POLR2F: variants seen among roughly 807,000 people sequenced by gnomAD.
POLR2F encodes the protein RNA polymerase II, I and III subunit F, also known as DNA-directed RNA polymerases I, II, and III subunit RPABC2.
A neutral mutation model predicts 22.7 loss-of-function variants in POLR2F; 12 were observed. That is an observed-to-expected ratio of 0.53 (90% confidence interval 0.34 to 0.86). The LOEUF is 0.86. Among genes scored for constraint, POLR2F ranks in the 40% least tolerant of loss-of-function variants. POLR2F has a pLI of 0.02. For synonymous variants in POLR2F, 57 were observed against 66.0 expected (o/e 0.86, Z 0.66); for missense variants, 126 against 171.5 (o/e 0.73, Z 1.48).
chr22:37,984,550 G>A (rs1252492523), upstream of POLR2F: 3 of 152,410 alleles, frequency 2.0e-5, no homozygotes, highest in Non-Finnish European at 4.4e-5. This position sits in a 1 kb window ranked among gnomAD's most constrained non-coding sequence, Gnocchi z 4.4. Context: ...GACTGACTGA[G>A]CGACTGAGCC....
At chr22:38,025,471 T>TA (rs2084999190) in intron 1 of POLR2F, 3 of 1,390,268 alleles carry the variant, frequency 2.2e-6, no homozygotes, top group Non-Finnish European at 2.8e-6. Context: ...TACTCAAAGA[T>TA]ACGATCACAA....
At position 38,018,053 on chromosome 22, in the gene POLR2F, T is replaced by C. The variant is rs2084929507; in HGVS notation, c.121-7816T>C. Among the ~76,000 whole-genome samples, 6 of 152,316 alleles carry C rather than the reference T, an allele frequency of 3.9e-5. No homozygotes were observed. In the South Asian group the frequency reaches 1.2e-3, roughly 32 times the overall value. Reference sequence around the variant, plus strand: ...AGGAATTTCTGTCCTGGGAAACCAGTGGGGACCATCCCTTATATGACGGAG... The same window carrying C: ...AGGAATTTCTGTCCTGGGAAACCAGCGGGGACCATCCCTTATATGACGGAG... On this transcript the variant is annotated intron_variant, in intron 1 of 2. Transcript: ENST00000333418.
At chr22:37,966,513 C>G (rs1931857542) in intron 3 of POLR2F, among the ~76,000 whole-genome samples, 1 of 152,096 alleles carries the variant, frequency 6.6e-6, no homozygotes, top group African/African-American at 2.4e-5. Flanking sequence ...TGGCTCATGC[C>G]TTTCATCCCA....
At chr22:37,972,847 G>GACAAAGAAAGAAA (rs1932100240), downstream of POLR2F, 1 of 153,692 alleles carries the variant, frequency 6.5e-6, no homozygotes, top group Non-Finnish European at 1.4e-5. Context: ...CAAAGAATGA[G>GACAAAGAAAGAAA]GTTATTGGCA....
At chr22:37,992,425 C>G (rs1932746622) in intron 1 of POLR2F, among the ~76,000 whole-genome samples, 1 of 151,322 alleles carries the variant, frequency 6.6e-6, no homozygotes, top group African/African-American at 2.4e-5. Flanking sequence ...CTCACTCTTT[C>G]ACTCTGTTGC....
At chr22:37,956,475 G>A (rs1297024096) in intron 1 of POLR2F, among the ~76,000 whole-genome samples, 3 of 150,606 alleles carry the variant, frequency 2.0e-5, no homozygotes, top group South Asian at 2.1e-4. Flanking sequence ...GGAGTACAGT[G>A]GTGCAATCTT....
rs2085067873 is a variant in POLR2F, at chr22:38,031,726, T to A, written c.453-9342T>A. On this transcript the variant is annotated intron_variant, in intron 5 of 5. Transcript: ENST00000407936. The surrounding 1 kb of genome is among the most constrained non-coding windows in gnomAD (Gnocchi z 4.1). ...CCAGCCTGAAAGTGCTGTGAGTCCA[T>A]GTCTCAAACCCGCGTCACCATGCTG... Among the ~76,000 whole-genome samples, 1 of 152,174 alleles carries A rather than the reference T, an allele frequency of 6.6e-6. No homozygotes were observed. The highest frequency in any genetic ancestry group is 6.6e-5 in the Admixed American group (1 of 15,266).
chr22:38,014,517 A>ATT (rs777065352), intron 1 of POLR2F, among the ~76,000 whole-genome samples: 4 of 138,850 alleles, frequency 2.9e-5, no homozygotes, highest in Admixed American at 7.3e-5. Context: ...CGCCCGGCTA[A>ATT]TTTTTTTTTT....
upstream of POLR2F, among the ~76,000 whole-genome samples, chr22:37,982,638 G>C (rs956530950): frequency 6.6e-6 from 1 of 151,986 alleles, no homozygotes; most frequent in Non-Finnish European, 1.5e-5. Flanking sequence ...CGTTGGGGTG[G>C]GGCCCTGGCA....
chr22:37,983,743 G>A (rs530570020), upstream of POLR2F: 16 of 1,484,230 alleles, frequency 1.1e-5, no homozygotes, highest in South Asian at 1.6e-4. The surrounding 1 kb of genome is among the most constrained non-coding windows in gnomAD (Gnocchi z 9.5). Context: ...CCGAGCCCAC[G>A]GGGCTCAGCT....
intron 1 of POLR2F, among the ~76,000 whole-genome samples, chr22:37,991,154 C>G (rs1201717595): frequency 1.5e-4 from 23 of 152,194 alleles, no homozygotes; most frequent in Non-Finnish European, 1.2e-4. Context: ...TTGAGACTGG[C>G]TCTGTTGCCC....
Position 37,959,471 on chromosome 22 carries a change from G to T in POLR2F, c.216G>T (p.Gln72His). Residue 72 changes from glutamine (Q) to histidine (H), a missense_variant, in exon 3 of 5, where the codon CAG becomes CAT. Transcript: ENST00000442738. Reference protein sequence around the residue: ...RARVLGTRALQIAMCAPVMVE... With the variant: ...RARVLGTRALHIAMCAPVMVE... ...GCGTGCTGGGCACCCGAGCGCTCCA[G>T]ATTGCGTGAGTGATTGCCCCTTCAC... 3 of 1,613,714 alleles carry T rather than the reference G, an allele frequency of 1.9e-6. No homozygotes were observed. Among genetic ancestry groups the T allele is most frequent in the Non-Finnish European group, 2.5e-6 (3 of 1,179,942 alleles).
At chr22:37,992,797 C>T (rs149925407) in intron 1 of POLR2F, among the ~76,000 whole-genome samples, 53 of 152,338 alleles carry the variant, frequency 3.5e-4, no homozygotes, top group African/African-American at 1.2e-3. Context: ...GGCTGCAGAG[C>T]CAGGGCCGAT....
intron 1 of POLR2F, chr22:37,987,215 T>A: frequency 2.2e-6 from 1 of 456,618 alleles, no homozygotes; most frequent in Non-Finnish European, 4.4e-6. Context: ...AATCCAGGCT[T>A]CCTTCCATGG....
chr22:37,954,316 T>A lies in POLR2F; in HGVS notation c.20+509T>A, dbSNP rs538565397. On this transcript the variant is annotated intron_variant, in intron 1 of 4. Coordinates refer to ENST00000442738, the MANE Select transcript of POLR2F (RefSeq NM_021974.5). Reference sequence around the variant, plus strand: ...GGTCCTTTGCAGTAATTTTTTTTTTTTTTTGAAACAGAGTCTTGCTCTGTC... The same window carrying A: ...GGTCCTTTGCAGTAATTTTTTTTTTATTTTGAAACAGAGTCTTGCTCTGTC... Among the ~76,000 whole-genome samples the A allele has an allele frequency of 2.0e-5, 3 of 152,000 alleles. 1 individual carries two copies. In the South Asian group the frequency reaches 6.2e-4, roughly 32 times the overall value.
In POLR2F at chr22:37,986,483, C is replaced by G. The variant is rs1398130734; in HGVS notation, c.120+171C>G. The G allele has an allele frequency of 2.8e-6, 4 of 1,406,020 alleles. No individual in the cohort carries two copies. The highest frequency in any genetic ancestry group is 3.9e-6 in the Non-Finnish European group (4 of 1,029,436). The allele number at this position is 1,406,020 out of a possible 1,614,324, so 87.1% of individuals were successfully genotyped here. A position where few individuals can be genotyped will look rare whatever the true frequency, so the allele number is the denominator to read the frequency against. On this transcript the variant is annotated intron_variant, in intron 1 of 2. Coordinates refer to the POLR2F transcript ENST00000333418. This position sits in a 1 kb window ranked among gnomAD's most constrained non-coding sequence, Gnocchi z 4.7. ...TGGAATGTGGGGTCCCACAGCTGCC[C>G]CCTCTCTAACTCCCTGCTTCCTCCT...
rs780502142 is a variant in POLR2F, at chr22:37,986,654, T to C, written c.120+342T>C. ...ACAGACACTGCCTTCCTCTCAGGGC[T>C]GTGCTGGGCTTTTTGCTGAGCAGTG... On this transcript the variant is annotated intron_variant, in intron 1 of 2. Coordinates refer to the POLR2F transcript ENST00000333418. This position sits in a 1 kb window ranked among gnomAD's most constrained non-coding sequence, Gnocchi z 4.7. 13 of 590,616 alleles carry C rather than the reference T, an allele frequency of 2.2e-5. No individual in the cohort carries two copies. Among genetic ancestry groups the C allele is most frequent in the South Asian group, 1.8e-4 (12 of 65,600 alleles). The allele number at this position is 590,616 out of a possible 1,614,324, so 36.6% of individuals were successfully genotyped here. A position where few individuals can be genotyped will look rare whatever the true frequency, so the allele number is the denominator to read the frequency against.
downstream of POLR2F, chr22:37,973,025 A>G (rs1932105742): frequency 6.3e-6 from 1 of 157,672 alleles, no homozygotes; most frequent in Admixed American, 6.2e-5. Flanking sequence ...AGCTCCGGGC[A>G]CAGTCTCTGG....
intron 4 of POLR2F, among the ~76,000 whole-genome samples, chr22:37,975,661 A>G (rs1415121239): frequency 6.6e-6 from 1 of 152,216 alleles, no homozygotes; most frequent in African/African-American, 2.4e-5. Context: ...GCATTGGCCA[A>G]GGGCTCTGTA....
Sources: gnomAD v4.1 joint callset for allele counts (sites outside exome capture counted in the v4.1 genomes callset) on GRCh38, gnomAD v4.1.1 for gene constraint, Gnocchi (gnomAD v3.1) non-coding constraint, MANE v1.5 for transcripts, NCBI Gene and HGNC (gene_info 2026-07-23, HGNC 2026-07-21) for gene names.